MTUS2: variants seen among roughly 807,000 people sequenced by gnomAD.
The protein encoded by MTUS2 is microtubule-associated tumor suppressor candidate 2.
A neutral mutation model predicts 114.1 loss-of-function variants in MTUS2; 40 were observed. The observed-to-expected ratio is 0.35, with a 90% CI of 0.27 to 0.46. The LOEUF (loss-of-function observed/expected upper bound fraction) is 0.46. Among genes scored for constraint, MTUS2 ranks in the 20% least tolerant of loss-of-function variants. The pLI is 1.00. For synonymous variants in MTUS2, 688 were observed against 672.0 expected (o/e 1.02, Z -0.37); for missense variants, 1,679 against 1,705.4 (o/e 0.98, Z 0.27).
intron 2 of MTUS2, among the ~76,000 whole-genome samples, chr13:28,989,724 G>C (rs1227563032): frequency 6.6e-6 from 1 of 152,170 alleles, no homozygotes; most frequent in Non-Finnish European, 1.5e-5. Flanking sequence ...GGTGAGGATG[G>C]GGTGAACAGG....
chr13:28,863,936 T>A (rs953269956), intron 2 of MTUS2, among the ~76,000 whole-genome samples: 1 of 152,138 alleles, frequency 6.6e-6, no homozygotes, highest in Non-Finnish European at 1.5e-5. Flanking sequence ...GCTCAAGCGA[T>A]CCTCCTGCAT....
intron 9 of MTUS2, among the ~76,000 whole-genome samples, chr13:29,470,255 C>G (rs1175402651): frequency 1.3e-5 from 2 of 152,152 alleles, no homozygotes; most frequent in Non-Finnish European, 2.9e-5. Flanking sequence ...CCAGGTGATA[C>G]TATCACTAAT....
chr13:29,303,120 A>G (rs972237325), intron 6 of MTUS2, among the ~76,000 whole-genome samples: 4 of 152,224 alleles, frequency 2.6e-5, no homozygotes. Context: ...CAACATCAAC[A>G]AAAAAGACCC....
At chr13:28,896,533 C>T (rs1018784882) in intron 2 of MTUS2, among the ~76,000 whole-genome samples, 10 of 152,126 alleles carry the variant, frequency 6.6e-5, no homozygotes, top group African/African-American at 2.4e-4. Context: ...ACTTTCTTCA[C>T]AGAATTGGAA....
At chr13:29,475,603 T>TA (rs1880641481) in intron 9 of MTUS2, among the ~76,000 whole-genome samples, 2 of 152,276 alleles carry the variant, frequency 1.3e-5, no homozygotes, top group South Asian at 4.2e-4. Flanking sequence ...TGTGTAGGCT[T>TA]ACGCTAATAT....
chr13:29,160,251 G>T (rs1593541315), intron 5 of MTUS2, among the ~76,000 whole-genome samples: 1 of 152,186 alleles, frequency 6.6e-6, no homozygotes, highest in South Asian at 2.1e-4. Context: ...TTCAGCCTCT[G>T]CCATCCCTGA....
At chr13:29,036,392 A>G (rs923487712) in intron 4 of MTUS2, among the ~76,000 whole-genome samples, 3 of 152,202 alleles carry the variant, frequency 2.0e-5, no homozygotes, top group Non-Finnish European at 4.4e-5. Flanking sequence ...TCAAAGGTAA[A>G]CAAGGACAGA....
chr13:29,139,327 G>A (rs1370833530), intron 5 of MTUS2, among the ~76,000 whole-genome samples: 1 of 152,024 alleles, frequency 6.6e-6, no homozygotes, highest in African/African-American at 2.4e-5. Flanking sequence ...TTTACACTAT[G>A]CATTTCTGTT....
At chr13:29,218,956 T>C (rs1593181505) in intron 5 of MTUS2, among the ~76,000 whole-genome samples, 1 of 147,768 alleles carries the variant, frequency 6.8e-6, no homozygotes, top group Admixed American at 6.7e-5. Context: ...TCATTTCTTT[T>C]TTTTTTTTTT....
chr13:29,194,473 A>G (rs1894588025), intron 5 of MTUS2, among the ~76,000 whole-genome samples: 1 of 152,214 alleles, frequency 6.6e-6, no homozygotes, highest in Non-Finnish European at 1.5e-5. Context: ...ACATTTTTGC[A>G]GCCAAAAAAC....
chr13:28,919,799 G>A (rs1037691972), intron 2 of MTUS2, among the ~76,000 whole-genome samples: 4 of 151,940 alleles, frequency 2.6e-5, no homozygotes, highest in African/African-American at 9.7e-5. Context: ...TTTTCGAATC[G>A]CTTGTCCTCA....
intron 5 of MTUS2, among the ~76,000 whole-genome samples, chr13:29,166,832 A>G (rs1490722662): frequency 6.6e-6 from 1 of 152,216 alleles, no homozygotes; most frequent in Non-Finnish European, 1.5e-5. Context: ...TGTCTTGAAA[A>G]AAAATTAGTT....
At chr13:29,139,463 T>G (rs1005874729) in intron 5 of MTUS2, among the ~76,000 whole-genome samples, 3 of 152,208 alleles carry the variant, frequency 2.0e-5, no homozygotes, top group Non-Finnish European at 4.4e-5. Flanking sequence ...TCTAAAACAG[T>G]ATGTAAAACT....
chr13:28,928,545 C>T (rs184495728), intron 2 of MTUS2, among the ~76,000 whole-genome samples: 28 of 152,256 alleles, frequency 1.8e-4, no homozygotes, highest in Non-Finnish European at 3.2e-4. Flanking sequence ...ATCGAAACCC[C>T]AATGAGGTAT....
intron 11 of MTUS2, among the ~76,000 whole-genome samples, chr13:29,488,772 C>T (rs1044706297): frequency 1.5e-4 from 23 of 152,148 alleles, no homozygotes; most frequent in Admixed American, 3.9e-4. Flanking sequence ...CGTGGGTGTG[C>T]GTTAAGTCTC....
At chr13:29,282,982 A>G (rs1012547990) in intron 6 of MTUS2, among the ~76,000 whole-genome samples, 2 of 152,194 alleles carry the variant, frequency 1.3e-5, no homozygotes, top group Admixed American at 6.5e-5. Context: ...ACAACAAACA[A>G]TGCTGCAATA....
At chr13:29,108,194 G>A (rs1056896493) in intron 5 of MTUS2, among the ~76,000 whole-genome samples, 2 of 152,194 alleles carry the variant, frequency 1.3e-5, no homozygotes, top group African/African-American at 2.4e-5. Flanking sequence ...GGCAATGAGA[G>A]AGTCATTTTT....
intron 7 of MTUS2, among the ~76,000 whole-genome samples, chr13:29,344,545 G>A (rs1459166479): frequency 6.6e-6 from 1 of 152,068 alleles, no homozygotes; most frequent in Admixed American, 6.5e-5. Context: ...GAGTCCTTAT[G>A]TGTTGTTAGA....
At chr13:29,322,958 G>A (rs1320987282) in intron 6 of MTUS2, among the ~76,000 whole-genome samples, 1 of 152,196 alleles carries the variant, frequency 6.6e-6, no homozygotes, top group African/African-American at 2.4e-5. Context: ...TGAGACTTCA[G>A]TGTCAGTAGG....
Sources: gnomAD v4.1 joint callset for allele counts (sites outside exome capture counted in the v4.1 genomes callset) on GRCh38, gnomAD v4.1.1 for gene constraint, MANE v1.5 for transcripts, NCBI Gene and HGNC (gene_info 2026-07-23, HGNC 2026-07-21) for gene names.